The following VAV3 variants were observed in gnomAD, a reference collection of about 807,000 sequenced individuals.
The protein encoded by VAV3 is vav guanine nucleotide exchange factor 3, also known as guanine nucleotide exchange factor VAV3.
In VAV3, 94 loss-of-function variants were observed where a neutral mutation model predicts 131.2. That is an observed-to-expected ratio of 0.72 (90% CI 0.61 to 0.85). The LOEUF (loss-of-function observed/expected upper bound fraction) is 0.85. Ranked by LOEUF, VAV3 falls within the 40% of genes least tolerant of loss-of-function variation. The pLI, the probability that VAV3 is intolerant of heterozygous loss-of-function variation, is 0.00. For synonymous variants in VAV3, 349 were observed against 342.0 expected (o/e 1.02, Z -0.22); for missense variants, 939 against 1,002.7 (o/e 0.94, Z 0.86).
intron 2 of VAV3, among the ~76,000 whole-genome samples, chr1:107,867,098 A>G (rs1259373387): frequency 4.6e-5 from 7 of 152,186 alleles, no homozygotes; most frequent in Non-Finnish European, 8.8e-5. Context: ...ACTATGCTAT[A>G]TCTCATAAAT....
intron 1 of VAV3, among the ~76,000 whole-genome samples, chr1:107,949,716 C>T (rs906250618): frequency 7.2e-5 from 11 of 152,176 alleles, no homozygotes; most frequent in Admixed American, 6.5e-5. Flanking sequence ...CTATATTTTA[C>T]AGAATCCCAA....
In VAV3 at chr1:107,652,510, G is replaced by C. The variant is rs565898135; in HGVS notation, c.1778-9755C>G. Among the ~76,000 whole-genome samples the C allele has an allele frequency of 2.6e-5, 4 of 152,172 alleles. No homozygotes were observed. In the South Asian group the frequency reaches 8.3e-4, roughly 32 times the overall value. ...GCAAGATCCAAGAACTCTCTCTTGG[G>C]GTCTGGATTGGGACCCCTTTCCTGT... On this transcript the variant is annotated intron_variant, in intron 19 of 26. Transcript: ENST00000370056.
At chr1:107,948,151 A>C (rs1376911211) in intron 1 of VAV3, among the ~76,000 whole-genome samples, 2 of 152,124 alleles carry the variant, frequency 1.3e-5, no homozygotes, top group Non-Finnish European at 2.9e-5. Flanking sequence ...TGCTTTTTCA[A>C]TTCTCCCAGA....
In VAV3 at chr1:107,751,167, T is replaced by C. The variant is rs768929115; in HGVS notation, c.1209A>G (p.Gly403=). The C allele has an allele frequency of 2.7e-5, 44 of 1,613,106 alleles. No individual in the cohort carries two copies. Among genetic ancestry groups the C allele is most frequent in the Non-Finnish European group, 3.6e-5 (42 of 1,179,742 alleles). ...QPVLLFGRPQ[G]DGEIRITTLD... ...GAGTGGTTATTCGAATTTCACCATCTCCCTGAGGTCGTCCAAAAAGCAAAA... is the reference window on the plus strand; with the variant it reads ...GAGTGGTTATTCGAATTTCACCATCCCCCTGAGGTCGTCCAAAAAGCAAAA... The change falls in exon 13 of 27, where the codon GGA becomes GGG. Residue 403 remains glycine (G), a synonymous_variant. Transcript: ENST00000370056.
At chr1:107,638,469 T>C (rs1234432862) in intron 20 of VAV3, among the ~76,000 whole-genome samples, 1 of 152,134 alleles carries the variant, frequency 6.6e-6, no homozygotes, top group Non-Finnish European at 1.5e-5. Flanking sequence ...TACAGATAAA[T>C]ATGACAAAAG....
At position 107,964,947 on chromosome 1, in the gene VAV3, C is replaced by G; in HGVS notation, c.-78G>C. 8.6e-7 allele frequency: 1 copy of G among 1,165,188 alleles called. No individual in the cohort carries two copies. The highest frequency in any genetic ancestry group is 1.1e-6 in the Non-Finnish European group (1 of 929,146). 72.2% of individuals were successfully genotyped at this position (1,165,188 alleles called of 1,614,324 possible). A position where few individuals can be genotyped will look rare whatever the true frequency, so the allele number is the denominator to read the frequency against. On this transcript the variant is annotated 5_prime_UTR_variant, in exon 1 of 27. Transcript: ENST00000370056. ...CGCCGCCGCCGCCGCCGCGGTTCCTCCGCGCCCCGCCGACGCCAACAGCCG... is the reference window on the plus strand; with the variant it reads ...CGCCGCCGCCGCCGCCGCGGTTCCTGCGCGCCCCGCCGACGCCAACAGCCG...
intron 2 of VAV3, among the ~76,000 whole-genome samples, chr1:107,851,927 C>G (rs1345847378): frequency 2.6e-5 from 4 of 151,900 alleles, no homozygotes; most frequent in Non-Finnish European, 5.9e-5. Flanking sequence ...TCAGGTTTTA[C>G]TAGATACAAT....
intron 1 of VAV3, among the ~76,000 whole-genome samples, chr1:107,918,825 C>G (rs1479036149): frequency 6.6e-6 from 1 of 151,498 alleles, no homozygotes; most frequent in Non-Finnish European, 1.5e-5. Context: ...CTTGCCTCAG[C>G]CTCCCAAGTA....
At chr1:107,585,438 A>G (rs559712750) in intron 25 of VAV3, among the ~76,000 whole-genome samples, 13 of 152,106 alleles carry the variant, frequency 8.5e-5, no homozygotes, top group Admixed American at 6.6e-5. Flanking sequence ...CTTTGCCCAC[A>G]TCCCTCCAAT....
chr1:107,853,506 T>C (rs568794366), intron 2 of VAV3, among the ~76,000 whole-genome samples: 1 of 152,102 alleles, frequency 6.6e-6, no homozygotes, highest in Non-Finnish European at 1.5e-5. Context: ...TTTTCATAAA[T>C]GAAAATGTAT....
Position 107,866,927 on chromosome 1 carries a change from G to GA in VAV3, c.321+7973dup, listed in dbSNP as rs568930693. Among the ~76,000 whole-genome samples the GA allele has an allele frequency of 8.9e-4, 128 of 143,816 alleles. 2 individuals are homozygous for GA. Among genetic ancestry groups the GA allele is most frequent in the African/African-American group, 2.8e-3 (109 of 38,868 alleles). The allele number at this position is 143,816 out of a possible 152,430, so 94.3% of individuals were successfully genotyped here. ...TACCAAAATAGAAATGTCTCCAAAG[G>GA]AAAAAAAAAAGTACTTCAGTTTTAT... On this transcript the variant is annotated intron_variant, in intron 2 of 26. Transcript: ENST00000370056.
At chr1:107,721,150 A>G (rs1661472291) in intron 15 of VAV3, among the ~76,000 whole-genome samples, 1 of 152,210 alleles carries the variant, frequency 6.6e-6, no homozygotes, top group South Asian at 2.1e-4. Flanking sequence ...TTTAGGCATA[A>G]GAGACTGAAT....
At chr1:107,740,363 G>C (rs1662940658) in intron 15 of VAV3, among the ~76,000 whole-genome samples, 1 of 152,028 alleles carries the variant, frequency 6.6e-6, no homozygotes, top group Non-Finnish European at 1.5e-5. Flanking sequence ...GCTGCTACTG[G>C]CCTGGACTCC....
chr1:107,627,033 T>C (rs1398918422), intron 20 of VAV3, among the ~76,000 whole-genome samples: 2 of 152,166 alleles, frequency 1.3e-5, no homozygotes, highest in African/African-American at 4.8e-5. Context: ...AAAGAATCCT[T>C]TGAAGTGACT....
chr1:107,672,979 C>T (rs1207291459), intron 19 of VAV3, among the ~76,000 whole-genome samples: 1 of 152,152 alleles, frequency 6.6e-6, no homozygotes, highest in African/African-American at 2.4e-5. Context: ...TTGGCAACAT[C>T]TACATCCAAA....
chr1:107,683,705 C>A (rs2101742693), intron 18 of VAV3, among the ~76,000 whole-genome samples, 172 bp from the exon 19 acceptor site: 1 of 152,160 alleles, frequency 6.6e-6, no homozygotes, highest in South Asian at 2.1e-4. Flanking sequence ...ATTTGTTTTT[C>A]TAGTAAGTCT....
chr1:107,762,162 C>A (rs887887454), intron 9 of VAV3, among the ~76,000 whole-genome samples: 5 of 149,870 alleles, frequency 3.3e-5, no homozygotes, highest in African/African-American at 1.2e-4. Context: ...TATTAGTGAG[C>A]AACCTCATAA....
At chr1:107,847,807 C>T (rs905749570) in intron 2 of VAV3, among the ~76,000 whole-genome samples, 1 of 152,086 alleles carries the variant, frequency 6.6e-6, no homozygotes, top group Non-Finnish European at 1.5e-5. Context: ...AAGCCCAGGA[C>T]CAGAGAGATT....
intron 1 of VAV3, among the ~76,000 whole-genome samples, chr1:107,959,087 C>T (rs1389672180): frequency 1.3e-5 from 2 of 151,974 alleles, no homozygotes; most frequent in African/African-American, 4.8e-5. Context: ...CAAGGTAAAA[C>T]CCCGTCTCTA....
Sources: allele counts gnomAD v4.1 joint callset (sites outside exome capture counted in the v4.1 genomes callset), GRCh38; gene constraint gnomAD v4.1.1; transcripts MANE v1.5; gene names NCBI Gene and HGNC (gene_info 2026-07-23, HGNC 2026-07-21).